Variants in XKR9 observed in about 807,000 individuals in gnomAD.
XKR9 encodes XK-related protein 9.
A neutral mutation model predicts 32.0 loss-of-function variants in XKR9; 32 were observed. That is an observed-to-expected ratio of 1.00 (90% CI 0.76 to 1.34). The LOEUF (loss-of-function observed/expected upper bound fraction) is 1.34. Ranked by LOEUF, XKR9 falls within the 40% of genes most tolerant of loss-of-function variation. The pLI, the probability that XKR9 is intolerant of heterozygous loss-of-function variation, is 0.00. For missense variants in XKR9, 546 were observed against 429.7 expected (o/e 1.27, Z -2.39); for synonymous variants, 168 against 143.4 (o/e 1.17, Z -1.22).
chr8:70,846,523 A>G, the XKR9 span, among the ~76,000 whole-genome samples: 1 of 152,066 alleles, frequency 6.6e-6, no homozygotes, highest in Non-Finnish European at 1.5e-5. Context: ...ATAAGTCTTC[A>G]TATATCAATA....
the XKR9 span, among the ~76,000 whole-genome samples, chr8:70,796,097 G>A: frequency 6.6e-6 from 1 of 151,186 alleles, no homozygotes; most frequent in Non-Finnish European, 1.5e-5. Flanking sequence ...AGGAGTACAT[G>A]TGCAGGTTTT....
At chr8:70,962,252 G>C in the XKR9 span, among the ~76,000 whole-genome samples, 2 of 151,710 alleles carry the variant, frequency 1.3e-5, no homozygotes, top group African/African-American at 4.8e-5. Flanking sequence ...GATTCAGGGG[G>C]TATTTATGTG....
chr8:70,985,143 T>C, the XKR9 span, among the ~76,000 whole-genome samples: 1 of 152,178 alleles, frequency 6.6e-6, no homozygotes, highest in African/African-American at 2.4e-5. Flanking sequence ...TTTTAATATG[T>C]TTGATATGTT....
chr8:70,950,029 G>A, the XKR9 span, among the ~76,000 whole-genome samples: 2 of 152,092 alleles, frequency 1.3e-5, no homozygotes, highest in Non-Finnish European at 2.9e-5. Context: ...GCAGCCTTTC[G>A]CATTCCAGCA....
intron 4 of XKR9, among the ~76,000 whole-genome samples, chr8:70,727,862 G>A (rs557666105): frequency 2.4e-4 from 37 of 151,782 alleles, no homozygotes; most frequent in African/African-American, 8.5e-4. Flanking sequence ...TCAGTTTATC[G>A]ATCTGGGTAG....
the XKR9 span, among the ~76,000 whole-genome samples, chr8:71,007,655 A>C: frequency 6.6e-6 from 1 of 152,164 alleles, no homozygotes; most frequent in Non-Finnish European, 1.5e-5. Flanking sequence ...ATTAAAATAT[A>C]CATTATTAAA....
At chr8:70,695,203 T>G (rs1417590248) in intron 3 of XKR9, among the ~76,000 whole-genome samples, 1 of 151,372 alleles carries the variant, frequency 6.6e-6, no homozygotes, top group East Asian at 1.9e-4. Context: ...ATACTTTAAG[T>G]TTTAGGGTAC....
intron 4 of XKR9, among the ~76,000 whole-genome samples, chr8:70,724,149 C>T (rs1382285178): frequency 6.6e-6 from 1 of 152,120 alleles, no homozygotes; most frequent in Non-Finnish European, 1.5e-5. Context: ...GTGAGTTCTG[C>T]CCAGTCTGAA....
intron 2 of XKR9, among the ~76,000 whole-genome samples, chr8:70,779,593 T>A (rs1247452989): frequency 6.6e-6 from 1 of 152,190 alleles, no homozygotes; most frequent in African/African-American, 2.4e-5. Context: ...CTGGGCTTTT[T>A]TTGGTTGGTA....
At chr8:70,962,101 T>C in the XKR9 span, among the ~76,000 whole-genome samples, 1 of 152,202 alleles carries the variant, frequency 6.6e-6, no homozygotes, top group Non-Finnish European at 1.5e-5. Context: ...TTTGATGAAA[T>C]CACCGTTATT....
the XKR9 span, among the ~76,000 whole-genome samples, chr8:70,885,493 G>A: frequency 3.9e-5 from 6 of 151,996 alleles, no homozygotes; most frequent in East Asian, 1.9e-4. Context: ...GAGGTTTGCC[G>A]CACCTATCAA....
the XKR9 span, among the ~76,000 whole-genome samples, chr8:70,820,813 T>G: frequency 6.6e-6 from 1 of 152,182 alleles, no homozygotes; most frequent in Non-Finnish European, 1.5e-5. Flanking sequence ...AAACCAATTA[T>G]GTCCACCTGA....
chr8:70,895,483 A>G, the XKR9 span, among the ~76,000 whole-genome samples: 6 of 152,168 alleles, frequency 3.9e-5, no homozygotes, highest in African/African-American at 1.4e-4. Flanking sequence ...TATTTATACA[A>G]TTTTAAGAAT....
At chr8:70,963,603 A>G in the XKR9 span, among the ~76,000 whole-genome samples, 4 of 152,172 alleles carry the variant, frequency 2.6e-5, no homozygotes, top group African/African-American at 9.7e-5. Flanking sequence ...AAGTACTTCT[A>G]TTTCTCCACA....
At chr8:70,879,352 A>ATCCTGATACCAAAGCCTGGC in the XKR9 span, among the ~76,000 whole-genome samples, 1 of 152,200 alleles carries the variant, frequency 6.6e-6, no homozygotes, top group South Asian at 2.1e-4. Context: ...CCTTTAAAAA[A>ATCCTGATACCAAAGCCTGGC]AACAATGAAT....
At chr8:70,890,765 G>A in the XKR9 span, among the ~76,000 whole-genome samples, 2 of 151,828 alleles carry the variant, frequency 1.3e-5, no homozygotes, top group Admixed American at 1.3e-4. Flanking sequence ...GTTTGTTGTT[G>A]TTGTGTCTTT....
At chr8:70,792,668 G>A (rs1490181597), downstream of XKR9, among the ~76,000 whole-genome samples, 4 of 152,110 alleles carry the variant, frequency 2.6e-5, no homozygotes, top group Non-Finnish European at 5.9e-5. Flanking sequence ...GGGTGTGGGG[G>A]CAGTGAAGAA....
the XKR9 span, among the ~76,000 whole-genome samples, chr8:70,838,908 A>C: frequency 6.6e-6 from 1 of 152,070 alleles, no homozygotes; most frequent in Non-Finnish European, 1.5e-5. Flanking sequence ...GCAACCTTGT[A>C]TAGTCCCTGT....
chr8:70,992,768 G>A, the XKR9 span, among the ~76,000 whole-genome samples: 3,959 of 152,252 alleles, frequency 0.026, 164 homozygotes, highest in African/African-American at 0.09. Context: ...TCAGCTTCTT[G>A]CAGCACTCCC....
Sources: gnomAD v4.1 joint callset for allele counts (sites outside exome capture counted in the v4.1 genomes callset) on GRCh38, gnomAD v4.1.1 for gene constraint, MANE v1.5 for transcripts, NCBI Gene and HGNC (gene_info 2026-07-23, HGNC 2026-07-21) for gene names.